The following PRKCQ variants were observed in gnomAD, a reference collection of about 807,000 sequenced individuals.
The protein encoded by PRKCQ is protein kinase C theta, also known as protein kinase C theta type.
Under a neutral mutation model 91.2 loss-of-function variants are expected in PRKCQ, and 41 were observed. That is an observed-to-expected ratio of 0.45 (90% CI 0.35 to 0.58). PRKCQ has a LOEUF of 0.58. Among genes scored for constraint, PRKCQ ranks in the 20% least tolerant of loss-of-function variants. The pLI, the probability that PRKCQ is intolerant of heterozygous loss-of-function variation, is 0.00. For missense variants in PRKCQ, 673 were observed against 896.5 expected (o/e 0.75, Z 3.18); for synonymous variants, 307 against 316.9 (o/e 0.97, Z 0.33).
intron 13 of PRKCQ, 94 bp downstream of exon 13, chr10:6,464,219 G>T: frequency 2.8e-6 from 3 of 1,072,340 alleles, no homozygotes; most frequent in Non-Finnish European, 4.2e-6. Flanking sequence ...CTGGCCCTGG[G>T]ATTCAGGCAT....
intron 1 of PRKCQ, among the ~76,000 whole-genome samples, chr10:6,541,079 G>A (rs1839758965): frequency 6.6e-6 from 1 of 152,178 alleles, no homozygotes; most frequent in Non-Finnish European, 1.5e-5. Context: ...AGTTCTAGAT[G>A]CACTGAAGGT....
chr10:6,568,865 A>G (rs1840933086), intron 1 of PRKCQ, among the ~76,000 whole-genome samples: 1 of 152,130 alleles, frequency 6.6e-6, no homozygotes, highest in Non-Finnish European at 1.5e-5. Context: ...GGGGATGATA[A>G]GGGGAAAAAT....
At chr10:6,410,794 C>T in the PRKCQ span, among the ~76,000 whole-genome samples, 1 of 152,180 alleles carries the variant, frequency 6.6e-6, no homozygotes, top group African/African-American at 2.4e-5. Context: ...ACCAGCCTGG[C>T]CAACATGGTG....
At chr10:6,533,208 ATTT>A in intron 1 of PRKCQ, among the ~76,000 whole-genome samples, 1 of 151,846 alleles carries the variant, frequency 6.6e-6, no homozygotes, top group Non-Finnish European at 1.5e-5. Flanking sequence ...TCACTCTTCT[ATTT>A]TTTTGAGATG....
At chr10:6,556,802 G>A in intron 1 of PRKCQ, among the ~76,000 whole-genome samples, 1 of 152,018 alleles carries the variant, frequency 6.6e-6, no homozygotes, top group East Asian at 1.9e-4. Context: ...TAAACGGGCT[G>A]TCCCACACTT....
intron 14 of PRKCQ, 122 bp downstream of exon 14, chr10:6,462,181 A>T: frequency 1.2e-6 from 1 of 831,826 alleles, no homozygotes; most frequent in Non-Finnish European, 2.0e-6. Context: ...CAGCAGACCT[A>T]TGTGTGGAGC....
chr10:6,403,059 A>G, the PRKCQ span, among the ~76,000 whole-genome samples: 1 of 151,976 alleles, frequency 6.6e-6, no homozygotes, highest in East Asian at 1.9e-4. Context: ...CTACTCTCCT[A>G]TCCCTTCACT....
intron 12 of PRKCQ, among the ~76,000 whole-genome samples, chr10:6,473,623 C>A (rs1362326658): frequency 6.6e-6 from 1 of 152,176 alleles, no homozygotes; most frequent in Non-Finnish European, 1.5e-5. Context: ...TGCAGGGACA[C>A]GTCTTTGGAA....
intron 1 of PRKCQ, among the ~76,000 whole-genome samples, chr10:6,546,663 C>G (rs1439940145): frequency 1.3e-5 from 2 of 152,184 alleles, no homozygotes; most frequent in African/African-American, 4.8e-5. Flanking sequence ...GATATACAGT[C>G]ATGTCGTCTG....
chr10:6,524,821 C>T (rs1839137987), intron 1 of PRKCQ, among the ~76,000 whole-genome samples: 1 of 152,216 alleles, frequency 6.6e-6, no homozygotes, highest in Non-Finnish European at 1.5e-5. Flanking sequence ...CCTCGGGCCC[C>T]AGCTGGCCCA....
intron 1 of PRKCQ, 186 bp from the exon 2 acceptor site, chr10:6,515,330 C>G (rs1000252225): frequency 1.3e-6 from 2 of 1,490,596 alleles, no homozygotes; most frequent in Non-Finnish European, 1.8e-6. Flanking sequence ...CCCAAAACCA[C>G]ACACTGACTT....
chr10:6,571,768 C>A (rs946871530), intron 1 of PRKCQ, among the ~76,000 whole-genome samples: 2 of 152,166 alleles, frequency 1.3e-5, no homozygotes, highest in African/African-American at 4.8e-5. Flanking sequence ...TGAGTCACAG[C>A]ACTCCAACCT....
intron 15 of PRKCQ, among the ~76,000 whole-genome samples, chr10:6,442,631 T>C (rs1834032874): frequency 6.6e-6 from 1 of 152,164 alleles, no homozygotes; most frequent in African/African-American, 2.4e-5. Context: ...AATCAAATTG[T>C]GTCCTGTGCC....
At chr10:6,451,607 A>G (rs1834683347) in intron 15 of PRKCQ, among the ~76,000 whole-genome samples, 2 of 152,122 alleles carry the variant, frequency 1.3e-5, no homozygotes, top group South Asian at 4.1e-4. Context: ...TACCAAAGCC[A>G]GGCAGAGACA....
rs1025552425 is a variant in PRKCQ at position 6,504,964 on chromosome 10, G to A, written c.379+2472C>T. Among the ~76,000 whole-genome samples the A allele has an allele frequency of 5.9e-5, 9 of 151,590 alleles. No homozygotes were observed. The South Asian group carries it at 1.3e-3, about 21-fold the overall frequency. On this transcript the variant is annotated intron_variant, in intron 4 of 17. Coordinates refer to ENST00000263125, the MANE Select transcript of PRKCQ (RefSeq NM_006257.5). ...GCTGGAGTGCAGTGGTGCAATCTTG[G>A]CTCACTGCAAGCTCCGCCTCCCGGG...
In PRKCQ at chr10:6,572,325, A is replaced by T. The variant is rs529354022; in HGVS notation, c.-10+7886T>A. On this transcript the variant is annotated intron_variant, in intron 1 of 17. Transcript: ENST00000263125. ...GGTGGTTTGCTGCACCTATCATCCC[A>T]TCACCTAGGTATTAAGCCCCACATG... is the stretch of plus-strand genomic sequence containing the variant. Among the ~76,000 whole-genome samples, 3 of 152,208 alleles carry T rather than the reference A, an allele frequency of 2.0e-5. No individual in the cohort carries two copies. The South Asian group carries it at 6.2e-4, about 32-fold the overall frequency.
chr10:6,451,718 G>C (rs1486234279), intron 15 of PRKCQ, among the ~76,000 whole-genome samples: 3 of 152,068 alleles, frequency 2.0e-5, no homozygotes, highest in Non-Finnish European at 4.4e-5. Context: ...ACATTAAAAA[G>C]CTTATCCACC....
At chr10:6,441,101 C>A (rs1833948382) in intron 16 of PRKCQ, among the ~76,000 whole-genome samples, 1 of 152,092 alleles carries the variant, frequency 6.6e-6, no homozygotes, top group African/African-American at 2.4e-5. Context: ...TATCTAAGAG[C>A]AGGCCAAAAA....
chr10:6,529,363 T>C (rs1839310296), intron 1 of PRKCQ, among the ~76,000 whole-genome samples: 2 of 152,236 alleles, frequency 1.3e-5, no homozygotes. Context: ...TCTCTGACTC[T>C]ACCATCTTGT....
Sources: allele counts gnomAD v4.1 joint callset (sites outside exome capture counted in the v4.1 genomes callset), GRCh38; gene constraint gnomAD v4.1.1; transcripts MANE v1.5; gene names NCBI Gene and HGNC (gene_info 2026-07-23, HGNC 2026-07-21).